UBR2: variants seen among roughly 807,000 people sequenced by gnomAD.
The protein encoded by UBR2 is ubiquitin protein ligase E3 component n-recognin 2.
A neutral mutation model predicts 247.9 loss-of-function variants in UBR2; 92 were observed. The observed-to-expected ratio is 0.37, with a 90% confidence interval of 0.31 to 0.44. UBR2 has a LOEUF of 0.44. UBR2 is among the 20% of genes least tolerant of loss of function. The probability of loss-of-function intolerance (pLI) is 1.00; values close to 1 mark genes in which losing one functional copy is unlikely to be tolerated. For missense variants in UBR2, 1,613 were observed against 2,112.6 expected, an observed-to-expected ratio of 0.76 and a Z score of 4.64; for synonymous variants, 672 against 693.5, an observed-to-expected ratio of 0.97 and a Z score of 0.49.
intron 6 of UBR2, among the ~76,000 whole-genome samples, 163 bp downstream of exon 6, chr6:42,606,022 A>G (rs905753302): frequency 6.6e-6 from 1 of 152,288 alleles, no homozygotes; most frequent in Non-Finnish European, 1.5e-5. Context: ...AGGCAGGCAG[A>G]TCACGAGGTC....
rs1407752530 is a variant in UBR2 at position 42,689,636 on chromosome 6, C to G, written c.5092C>G (p.Leu1698Val). Residue 1698 changes from leucine to valine, a missense_variant, in exon 46 of 47, where the codon CTT becomes GTT. Physicochemically the swap from Leu to Val is conservative, Grantham distance 32. This residue lies in a region of UBR2 where 80 missense variants were observed against 108.6 expected (regional missense o/e 0.74). Coordinates refer to ENST00000372901, the MANE Select transcript of UBR2 (RefSeq NM_001363705.2). The surrounding 1 kb of genome is among the most constrained non-coding windows in gnomAD (Gnocchi z 4.0). Reference sequence around the variant, plus strand: ...AGGCTGTTTTTATTCTCCTCCTTACCTTGATGACTATGGGGAGACCGACCA... The same window carrying G: ...AGGCTGTTTTTATTCTCCTCCTTACGTTGATGACTATGGGGAGACCGACCA... ...TKGCFYSPPY[L>V]DDYGETDQGL... 2 of 1,614,082 alleles carry G rather than the reference C, an allele frequency of 1.2e-6. No individual in the cohort carries two copies. Among genetic ancestry groups the G allele is most frequent in the Non-Finnish European group, 1.7e-6 (2 of 1,180,002 alleles).
At chr6:42,582,660 T>G (rs1201628825) in intron 2 of UBR2, among the ~76,000 whole-genome samples, 1 of 152,164 alleles carries the variant, frequency 6.6e-6, no homozygotes, top group Non-Finnish European at 1.5e-5. Flanking sequence ...CTGTGTTTAA[T>G]ACAGTATGAA....
Position 42,678,668 on chromosome 6 carries a change from A to T in UBR2, c.4608A>T (p.Gln1536His). The T allele has an allele frequency of 6.2e-7, 1 of 1,610,532 alleles. No individual in the cohort carries two copies. Among genetic ancestry groups the T allele is most frequent in the Non-Finnish European group, 8.5e-7 (1 of 1,178,930 alleles). ...LNGVPSPPDIQVPGTSHFEHL... is the reference protein window; with the variant it reads ...LNGVPSPPDIHVPGTSHFEHL... ...GAGTTCCTTCCCCACCCGACATTCA[A>T]GGTAATTTATACTTTCTTTCAAAAC... The change falls in exon 41 of 47, where the codon CAA becomes CAT. Residue 1536 changes from glutamine to histidine, a missense_variant and splice_region_variant. Physicochemically the swap from Gln to His is conservative, Grantham distance 24. This residue lies in a region of UBR2 where 1,524 missense variants were observed against 1,967.3 expected (regional missense o/e 0.77). Transcript: ENST00000372901.
rs1020615686 is a variant in UBR2, at chr6:42,686,672, C to T, written c.4854-1544C>T. ...GGGGCAGCCGGGCAGAGGCGCCCCC[C>T]ACCTCCCGGACGGGGCGGCTGGCCG... On this transcript the variant is annotated intron_variant, in intron 44 of 46. Transcript: ENST00000372901. 4.5e-4 allele frequency among the ~76,000 whole-genome samples: 68 copies of T among 152,244 alleles called. 1 individual carries two copies. The highest frequency in any genetic ancestry group is 1.1e-3 in the African/African-American group (47 of 41,556).
chr6:42,564,111 G>A lies in UBR2; in HGVS notation c.-209G>A, dbSNP rs1790633177. ...GACGAGCCAGTGACTTGACTCTTGG[G>A]CGCTAAGCTTGGGAGGGAGCGCAGG... is the stretch of plus-strand genomic sequence containing the variant. On this transcript the variant is annotated 5_prime_UTR_variant, in exon 1 of 47. Transcript: ENST00000372901. 1 of 572,558 alleles carries A rather than the reference G, an allele frequency of 1.7e-6. No individual in the cohort carries two copies. Among genetic ancestry groups the A allele is most frequent in the East Asian group, 3.2e-5 (1 of 31,104 alleles). 35.5% of individuals were successfully genotyped at this position (572,558 alleles called of 1,614,324 possible). A position where few individuals can be genotyped will look rare whatever the true frequency, so the allele number is the denominator to read the frequency against.
Position 42,647,991 on chromosome 6 carries a change from A to G in UBR2, c.2410-127A>G, listed in dbSNP as rs2273178. On this transcript the variant is annotated intron_variant, in intron 21 of 46. Coordinates refer to ENST00000372901, the MANE Select transcript of UBR2 (RefSeq NM_001363705.2). ...TCATTGTATTTGCTATGGAATCCTC[A>G]TCTGTAAAAATGGAGATAAGGTGTA... The G allele has an allele frequency of 2.6e-3, 1,538 of 591,906 alleles. 9 individuals are homozygous for G. Among genetic ancestry groups the G allele is most frequent in the African/African-American group, 0.014 (762 of 52,892 alleles). The allele number at this position is 591,906 out of a possible 1,614,324, so 36.7% of individuals were successfully genotyped here.
At chr6:42,669,495 A>AT (rs1008128725) in intron 34 of UBR2, among the ~76,000 whole-genome samples, 15 of 151,262 alleles carry the variant, frequency 9.9e-5, no homozygotes, top group East Asian at 3.9e-4. Context: ...TTTTCTTATG[A>AT]TTTTTTTTGC....
intron 11 of UBR2, among the ~76,000 whole-genome samples, chr6:42,624,692 T>C (rs1370320720): frequency 6.6e-6 from 1 of 151,996 alleles, no homozygotes; most frequent in Non-Finnish European, 1.5e-5. Flanking sequence ...GAGGAGAGCA[T>C]CATTAGGGTG....
At chr6:42,638,564 T>C (rs1024319640) in intron 15 of UBR2, among the ~76,000 whole-genome samples, 13 of 152,166 alleles carry the variant, frequency 8.5e-5, no homozygotes, top group Non-Finnish European at 1.3e-4. Context: ...AAATCTCTCT[T>C]ATTTCTATAA....
rs1799646560 is a variant in UBR2, at chr6:42,689,726, G to A, written c.5126+56G>A. 2 of 1,488,730 alleles carry A rather than the reference G, an allele frequency of 1.3e-6. No individual in the cohort carries two copies. The highest frequency in any genetic ancestry group is 1.9e-6 in the Non-Finnish European group (2 of 1,066,904). 92.2% of individuals were successfully genotyped at this position (1,488,730 alleles called of 1,614,324 possible). ...GGGCCTGCAGCGCCCTTCCGTATGT[G>A]GTGACGTCCTGAGGGTGGAGGGCTG... On this transcript the variant is annotated intron_variant, in intron 46 of 46. Transcript: ENST00000372901. This position sits in a 1 kb window ranked among gnomAD's most constrained non-coding sequence, Gnocchi z 4.0.
At chr6:42,602,188 T>C (rs907791310) in intron 4 of UBR2, among the ~76,000 whole-genome samples, 16 of 134,414 alleles carry the variant, frequency 1.2e-4, no homozygotes, top group East Asian at 4.1e-4. Flanking sequence ...TGCCTGGCCC[T>C]TTTTTTTTTT....
At chr6:42,582,387 T>TA (rs1322993577) in intron 2 of UBR2, among the ~76,000 whole-genome samples, 1 of 152,136 alleles carries the variant, frequency 6.6e-6, no homozygotes. Flanking sequence ...TGAATACTCT[T>TA]ACTTGATACA....
intron 22 of UBR2, among the ~76,000 whole-genome samples, chr6:42,648,710 G>A (rs190007930): frequency 5.3e-5 from 8 of 151,640 alleles, no homozygotes; most frequent in Non-Finnish European, 7.4e-5. Flanking sequence ...TTTATTTTTT[G>A]TTGGTTATAA....
chr6:42,575,866 A>G (rs1340644174), intron 2 of UBR2, among the ~76,000 whole-genome samples: 1 of 152,156 alleles, frequency 6.6e-6, no homozygotes, highest in Non-Finnish European at 1.5e-5. Flanking sequence ...TATCCTCTTC[A>G]TTATCAAACT....
At chr6:42,578,164 T>C (rs1164513804) in intron 2 of UBR2, among the ~76,000 whole-genome samples, 1 of 152,248 alleles carries the variant, frequency 6.6e-6, no homozygotes, top group African/African-American at 2.4e-5. Flanking sequence ...AAGATATATT[T>C]ATTACTCAGA....
Position 42,629,946 on chromosome 6 carries a change from C to T in UBR2, c.1282-2606C>T, listed in dbSNP as rs149262023. Among the ~76,000 whole-genome samples the T allele has an allele frequency of 2.6e-5, 4 of 152,050 alleles. No individual in the cohort carries two copies. In the East Asian group the frequency reaches 7.7e-4, roughly 29 times the overall value. On this transcript the variant is annotated intron_variant, in intron 11 of 46. Transcript: ENST00000372901. ...TTTTTGGGGTTTTCGTTTGTTTTTA[C>T]GAGTCAAGGCCTTGCTGTGTTGCCC...
At chr6:42,620,932 G>C (rs111847179) in intron 11 of UBR2, among the ~76,000 whole-genome samples, 2,856 of 152,112 alleles carry the variant, frequency 0.019, 79 homozygotes, top group African/African-American at 0.067. Flanking sequence ...GGCCTCCTGA[G>C]TAGCTGGGGC....
At chr6:42,587,549 G>A (rs1792374894) in intron 2 of UBR2, among the ~76,000 whole-genome samples, 2 of 151,834 alleles carry the variant, frequency 1.3e-5, no homozygotes, top group Non-Finnish European at 1.5e-5. Flanking sequence ...GTAGAGATGG[G>A]GTCTCACCGT....
chr6:42,615,349 TC>T (rs1172645038), intron 9 of UBR2, among the ~76,000 whole-genome samples, 171 bp downstream of exon 9: 3 of 152,236 alleles, frequency 2.0e-5, no homozygotes, highest in Admixed American at 6.5e-5. Flanking sequence ...GGGTCCATGA[TC>T]CAACTTAAAT....
Sources: gnomAD v4.1 joint callset for allele counts (sites outside exome capture counted in the v4.1 genomes callset) on GRCh38, gnomAD v4.1.1 for gene constraint, gnomAD v4.1.1 regional missense constraint, Gnocchi (gnomAD v3.1) non-coding constraint, MANE v1.5 for transcripts, NCBI Gene and HGNC (gene_info 2026-07-23, HGNC 2026-07-21) for gene names.